The following PATJ variants were observed in gnomAD, a reference collection of about 807,000 sequenced individuals.
PATJ encodes PATJ crumbs cell polarity complex component.
Under a neutral mutation model 224.9 loss-of-function variants are expected in PATJ, and 190 were observed. The observed-to-expected ratio is 0.84, with a 90% CI of 0.75 to 0.95. The LOEUF (loss-of-function observed/expected upper bound fraction) is 0.95. Among genes scored for constraint, PATJ ranks in the 40% least tolerant of loss-of-function variants. PATJ has a pLI of 0.00. For missense variants in PATJ, 2,121 were observed against 2,270.3 expected, an observed-to-expected ratio of 0.93 and a Z score of 1.34; for synonymous variants, 769 against 820.3, an observed-to-expected ratio of 0.94 and a Z score of 1.07.
chr1:62,033,822 A>G (rs1312358379), intron 29 of PATJ, among the ~76,000 whole-genome samples: 2 of 152,146 alleles, frequency 1.3e-5, no homozygotes, highest in Non-Finnish European at 2.9e-5. Context: ...TTCAACAGAC[A>G]TTTACATCAC....
intron 33 of PATJ, among the ~76,000 whole-genome samples, chr1:62,106,478 A>T (rs547827850): frequency 8.3e-4 from 126 of 151,744 alleles, no homozygotes; most frequent in African/African-American, 2.8e-3. Context: ...CTCAAAAAAA[A>T]TTTTTTAAGT....
intron 38 of PATJ, 128 bp downstream of exon 38, chr1:62,121,423 C>T (rs1665035357): frequency 1.6e-6 from 1 of 636,892 alleles, no homozygotes; most frequent in Non-Finnish European, 2.7e-6. Flanking sequence ...GCCACATAAG[C>T]TGAGCTTTCT....
chr1:62,020,776 G>A (rs1647031023), intron 29 of PATJ, among the ~76,000 whole-genome samples: 1 of 152,134 alleles, frequency 6.6e-6, no homozygotes, highest in African/African-American at 2.4e-5. Flanking sequence ...CATTTGGGCT[G>A]CTATAACAAA....
Position 61,787,913 on chromosome 1 carries a change from C to A in PATJ, c.1009C>A (p.Pro337Thr), listed in dbSNP as rs375166848. The A allele has an allele frequency of 1.1e-5, 18 of 1,614,060 alleles. No individual in the cohort carries two copies. Among genetic ancestry groups the A allele is most frequent in the African/African-American group, 4.0e-5 (3 of 75,048 alleles). Residue 337 changes from proline (P) to threonine (T), a missense_variant, in exon 8 of 44, where the codon CCT (proline) becomes ACT (threonine). Coordinates refer to ENST00000642238, the MANE Select transcript of PATJ (RefSeq NM_001350145.3). ...AGCTGGTGACATTTCAGTCACCCCC[C>A]CTGCCCCTGCAGCCTTACCTGTTGC... ...DPAGDISVTP[P>T]APAALPVALP...
intron 20 of PATJ, among the ~76,000 whole-genome samples, chr1:61,872,052 G>A (rs959663765): frequency 6.6e-6 from 1 of 151,986 alleles, no homozygotes; most frequent in Non-Finnish European, 1.5e-5. Context: ...CCAATGTATT[G>A]AAATCCCAGA....
chr1:61,788,894 G>A (rs533216124), intron 8 of PATJ, among the ~76,000 whole-genome samples: 2 of 152,000 alleles, frequency 1.3e-5, no homozygotes, highest in East Asian at 1.9e-4. Context: ...GGCTGGTCTC[G>A]AACTCCCAAC....
chr1:61,901,302 C>T lies in PATJ; in HGVS notation c.3224C>T (p.Pro1075Leu). The change falls in exon 24 of 44, where the codon CCC becomes CTC. Residue 1075 changes from proline to leucine, a missense_variant. Physicochemically the swap from Pro to Leu is moderately conservative, Grantham distance 98 (BLOSUM62 -3). Transcript: ENST00000642238. Reference protein sequence around the residue: ...PPRIVEIFREPNVSLGISIVG... With the variant: ...PPRIVEIFRELNVSLGISIVG... ...TATAGTGTTGAGATTTTTAGAGAAC[C>T]CAATGTGTCTCTTGGGATCAGTATT... 1.3e-6 allele frequency: 2 copies of T among 1,532,382 alleles called. No individual in the cohort carries two copies. The highest frequency in any genetic ancestry group is 1.7e-6 in the Non-Finnish European group (2 of 1,150,724). 94.9% of individuals were successfully genotyped at this position (1,532,382 alleles called of 1,614,324 possible).
intron 34 of PATJ, among the ~76,000 whole-genome samples, chr1:62,112,469 A>G (rs979576715): frequency 8.5e-5 from 13 of 152,110 alleles, no homozygotes; most frequent in Admixed American, 2.6e-4. Flanking sequence ...TCGCACCACT[A>G]TACTCCAGCC....
At chr1:62,150,080 G>A (rs1239908546) in intron 42 of PATJ, among the ~76,000 whole-genome samples, 1 of 152,170 alleles carries the variant, frequency 6.6e-6, no homozygotes, top group African/African-American at 2.4e-5. Context: ...TGGAAATGGG[G>A]GCTGTGTTTG....
chr1:61,886,707 C>G (rs1046166401), intron 22 of PATJ, among the ~76,000 whole-genome samples: 1 of 151,638 alleles, frequency 6.6e-6, no homozygotes, highest in African/African-American at 2.4e-5. Context: ...GTAACCCCAG[C>G]TACTCTGGTG....
At chr1:62,000,202 T>TG (rs796705292) in intron 28 of PATJ, among the ~76,000 whole-genome samples, 5,360 of 109,510 alleles carry the variant, frequency 0.049, 250 homozygotes, top group African/African-American at 0.11. Context: ...AGTTTTTTGT[T>TG]TTTTTTTTTT....
chr1:61,809,387 CTTT>C (rs747444674), intron 14 of PATJ, among the ~76,000 whole-genome samples: 19 of 137,852 alleles, frequency 1.4e-4, no homozygotes, highest in Admixed American at 1.5e-4. Flanking sequence ...AATGTATTTT[CTTT>C]TTTTTTTTTT....
chr1:61,899,324 T>A (rs1398471203), intron 22 of PATJ, among the ~76,000 whole-genome samples: 1 of 152,134 alleles, frequency 6.6e-6, no homozygotes, highest in Non-Finnish European at 1.5e-5. Flanking sequence ...AAACGCAAAC[T>A]TTTAGTGTCT....
intron 7 of PATJ, among the ~76,000 whole-genome samples, chr1:61,783,112 C>T (rs1015609098): frequency 6.6e-6 from 1 of 152,106 alleles, no homozygotes; most frequent in African/African-American, 2.4e-5. Flanking sequence ...GAAGGCCCAG[C>T]TTGAGGTCAC....
At chr1:61,788,196 T>C (rs1649000342) in intron 8 of PATJ, among the ~76,000 whole-genome samples, 1 of 152,202 alleles carries the variant, frequency 6.6e-6, no homozygotes, top group Non-Finnish European at 1.5e-5. Flanking sequence ...AGTGACTTAT[T>C]TATAAATTGA....
intron 27 of PATJ, among the ~76,000 whole-genome samples, chr1:61,984,982 A>G (rs1156431858): frequency 6.6e-6 from 1 of 152,116 alleles, no homozygotes; most frequent in Non-Finnish European, 1.5e-5. Flanking sequence ...GCAGGATTAT[A>G]GTAGGGTCAC....
chr1:62,121,069 TTC>T (rs1450699683), intron 37 of PATJ, 110 bp from the exon 38 acceptor site: 1 of 674,678 alleles, frequency 1.5e-6, no homozygotes, highest in Middle Eastern at 3.2e-4. Context: ...CCTCACGATT[TTC>T]TGTTAGATGG....
chr1:61,772,106 G>A (rs868500257), intron 6 of PATJ, among the ~76,000 whole-genome samples: 8 of 115,344 alleles, frequency 6.9e-5, no homozygotes, highest in African/African-American at 1.9e-4. Context: ...CATGACGGTC[G>A]TTTTTTTTTT....
At chr1:61,826,040 G>A (rs553595283) in intron 15 of PATJ, among the ~76,000 whole-genome samples, 66 of 152,334 alleles carry the variant, frequency 4.3e-4, no homozygotes, top group Non-Finnish European at 6.8e-4. Context: ...TTCATCAACT[G>A]CTGAGCTTGC....
Sources: allele counts gnomAD v4.1 joint callset (sites outside exome capture counted in the v4.1 genomes callset), GRCh38; gene constraint gnomAD v4.1.1; transcripts MANE v1.5; gene names NCBI Gene and HGNC (gene_info 2026-07-23, HGNC 2026-07-21).